RGS20: variants seen among roughly 807,000 people sequenced by gnomAD.
The protein encoded by RGS20 is regulator of G protein signaling 20.
In RGS20, 30 loss-of-function variants were observed where a neutral mutation model predicts 33.6. The observed-to-expected ratio is 0.89, with a 90% CI of 0.67 to 1.21. RGS20 has a LOEUF of 1.21. RGS20 is among the 50% of genes most tolerant of loss of function. RGS20 has a pLI of 0.00. For synonymous variants in RGS20, 208 were observed against 197.9 expected, an observed-to-expected ratio of 1.05 and a Z score of -0.43; for missense variants, 472 against 502.4, an observed-to-expected ratio of 0.94 and a Z score of 0.58.
intron 1 of RGS20, among the ~76,000 whole-genome samples, chr8:53,874,404 G>A (rs562967323): frequency 2.3e-3 from 306 of 131,002 alleles, no homozygotes; most frequent in African/African-American, 8.6e-3. Flanking sequence ...GTGTGTGTGC[G>A]CGCGCGTGTG....
At chr8:53,852,671 A>G (rs1811592443) in intron 1 of RGS20, among the ~76,000 whole-genome samples, 1 of 152,204 alleles carries the variant, frequency 6.6e-6, no homozygotes, top group South Asian at 2.1e-4. Flanking sequence ...AAATCCTCTT[A>G]GCTATTAATA....
At chr8:53,946,830 A>G in intron 4 of RGS20, 82 bp downstream of exon 3, 6 of 1,142,082 alleles carry the variant, frequency 5.3e-6, no homozygotes, top group Non-Finnish European at 7.7e-6. Flanking sequence ...ATGTTTCAAC[A>G]GAACACATAC....
At chr8:53,857,702 GCT>G (rs1811709155) in intron 1 of RGS20, among the ~76,000 whole-genome samples, 1 of 152,202 alleles carries the variant, frequency 6.6e-6, no homozygotes, top group South Asian at 2.1e-4. Context: ...CAAAAGGAAT[GCT>G]CATTGGAGCA....
chr8:53,951,548 T>G (rs181024883), intron 4 of RGS20, among the ~76,000 whole-genome samples: 283 of 152,214 alleles, frequency 1.9e-3, no homozygotes, highest in Middle Eastern at 3.4e-3. Flanking sequence ...CTATATTTAT[T>G]GGTCATTTAC....
At chr8:53,859,201 C>A in intron 1 of RGS20, among the ~76,000 whole-genome samples, 1 of 152,096 alleles carries the variant, frequency 6.6e-6, no homozygotes, top group East Asian at 1.9e-4. Flanking sequence ...AAATAACAAA[C>A]GAACAAACTT....
chr8:53,875,139 G>A (rs747355902), intron 1 of RGS20, among the ~76,000 whole-genome samples: 14 of 152,070 alleles, frequency 9.2e-5, no homozygotes, highest in Admixed American at 2.0e-4. Flanking sequence ...AGTTTTCAAA[G>A]CACCATCTCC....
intron 2 of RGS20, among the ~76,000 whole-genome samples, chr8:53,925,327 G>A (rs918581342): frequency 6.6e-6 from 1 of 151,976 alleles, no homozygotes; most frequent in Admixed American, 6.6e-5. Flanking sequence ...ATTCACAATA[G>A]CTTTTTGGAT....
intron 2 of RGS20, chr8:53,887,163 A>G (rs1240822372): frequency 6.2e-6 from 1 of 160,842 alleles, no homozygotes; most frequent in African/African-American, 2.4e-5. Flanking sequence ...TCCACCTTAT[A>G]GTATTTCAGG....
chr8:53,929,739 G>A (rs1813901957), intron 2 of RGS20, among the ~76,000 whole-genome samples: 1 of 152,140 alleles, frequency 6.6e-6, no homozygotes, highest in Non-Finnish European at 1.5e-5. Context: ...TTGGTCCTAA[G>A]AAACCTTATG....
chr8:53,897,928 A>G (rs1812912891), intron 2 of RGS20, among the ~76,000 whole-genome samples: 1 of 152,242 alleles, frequency 6.6e-6, no homozygotes, highest in Non-Finnish European at 1.5e-5. Flanking sequence ...AGCGGCTGAT[A>G]GGTCCAAGGC....
Position 53,959,075 on chromosome 8 carries a change from G to T in RGS20, c.*617G>T, listed in dbSNP as rs1814960157. On this transcript the variant is annotated 3_prime_UTR_variant, in exon 6 of 6. Transcript: ENST00000297313. ...ATGGAAAGCACTGTGCTCTGAAGTG[G>T]ATCAGTCTCAAGTGTCTGGTAACAG... 6.6e-6 allele frequency: 1 copy of T among 152,210 alleles called. No homozygotes were observed. The highest frequency in any genetic ancestry group is 2.1e-4 in the South Asian group (1 of 4,832). The allele number at this position is 152,210 out of a possible 1,614,324, so 9.4% of individuals were successfully genotyped here. A position where few individuals can be genotyped will look rare whatever the true frequency, so the allele number is the denominator to read the frequency against.
At chr8:53,903,383 T>G (rs149322003) in intron 2 of RGS20, among the ~76,000 whole-genome samples, 18 of 152,214 alleles carry the variant, frequency 1.2e-4, no homozygotes, top group African/African-American at 4.3e-4. Flanking sequence ...AGAAAAATGT[T>G]GTCAACTTTG....
chr8:53,853,835 ATATTCTTTCAAT>A (rs1348197985), intron 1 of RGS20, among the ~76,000 whole-genome samples: 2 of 152,218 alleles, frequency 1.3e-5, no homozygotes, highest in Non-Finnish European at 2.9e-5. Context: ...TAATTATTGT[ATATTCTTTCAAT>A]CAGTAAGATA....
At chr8:53,900,798 C>A (rs1784339983) in intron 2 of RGS20, among the ~76,000 whole-genome samples, 2 of 152,164 alleles carry the variant, frequency 1.3e-5, no homozygotes, top group Admixed American at 1.3e-4. Flanking sequence ...CACCAGACTG[C>A]TGGACATTCC....
chr8:53,857,945 G>T (rs1421164089), intron 1 of RGS20, among the ~76,000 whole-genome samples: 1 of 151,738 alleles, frequency 6.6e-6, no homozygotes, highest in Non-Finnish European at 1.5e-5. Context: ...TTTATTTAAG[G>T]TTTCTACCAT....
chr8:53,947,498 G>A (rs192055746), intron 4 of RGS20, among the ~76,000 whole-genome samples: 20 of 124,226 alleles, frequency 1.6e-4, no homozygotes, highest in African/African-American at 5.0e-4. Context: ...ATGCTATATA[G>A]GATATAGTAT....
In RGS20 at chr8:53,939,716, C is replaced by T; in HGVS notation, c.651C>T (p.Ser217=). The T allele has an allele frequency of 1.9e-6, 3 of 1,555,994 alleles. No homozygotes were observed. Among genetic ancestry groups the T allele is most frequent in the Non-Finnish European group, 2.6e-6 (3 of 1,149,096 alleles). Reference sequence around the variant, plus strand: ...GCTTCTGCTGGTGCTGCTGTTGTAGCTGCTCGTGGTAAGGTTTGGGGCTTT... The same window carrying T: ...GCTTCTGCTGGTGCTGCTGTTGTAGTTGCTCGTGGTAAGGTTTGGGGCTTT... The change falls in exon 3 of 6, where the codon AGC becomes AGT. Residue 217 remains serine, a synonymous_variant. Transcript: ENST00000297313.
intron 3 of RGS20, among the ~76,000 whole-genome samples, chr8:53,943,698 T>A (rs1814374670): frequency 6.6e-6 from 1 of 152,012 alleles, no homozygotes; most frequent in African/African-American, 2.4e-5. Flanking sequence ...TGAAATAAGT[T>A]TGCATTATTT....
chr8:53,891,551 G>A (rs1283805157), intron 2 of RGS20, among the ~76,000 whole-genome samples: 1 of 152,102 alleles, frequency 6.6e-6, no homozygotes, highest in Non-Finnish European at 1.5e-5. Flanking sequence ...AACCCGGGAG[G>A]CAGAGATTGC....
Sources: allele counts gnomAD v4.1 joint callset (sites outside exome capture counted in the v4.1 genomes callset), GRCh38; gene constraint gnomAD v4.1.1; transcripts MANE v1.5; gene names NCBI Gene and HGNC (gene_info 2026-07-23, HGNC 2026-07-21).